Variants in MYO18B observed in about 807,000 individuals in gnomAD.
MYO18B encodes the protein unconventional myosin-XVIIIb.
MYO18B carries 204 observed loss-of-function variants against 273.0 expected under a neutral mutation model. That is an observed-to-expected ratio of 0.75 (90% confidence interval 0.67 to 0.84). The LOEUF (loss-of-function observed/expected upper bound fraction) is 0.84, where lower values mean the gene tolerates loss of function less well. MYO18B is among the 40% of genes least tolerant of loss of function. The pLI is 0.00. For missense variants in MYO18B, 3,212 were observed against 3,287.6 expected, an observed-to-expected ratio of 0.98 and a Z score of 0.56; for synonymous variants, 1,330 against 1,305.7, an observed-to-expected ratio of 1.02 and a Z score of -0.40.
At chr22:25,929,160 C>CA (rs4049336) in intron 34 of MYO18B, among the ~76,000 whole-genome samples, 43,551 of 122,068 alleles carry the variant, frequency 0.36, 9,184 homozygotes, top group South Asian at 0.47. Context: ...GAAACTGTCT[C>CA]AAAAAAAAAA....
chr22:25,894,942 C>T, intron 27 of MYO18B: 1 of 536,104 alleles, frequency 1.9e-6, no homozygotes, highest in Non-Finnish European at 3.3e-6. Context: ...GAACTTTAGA[C>T]AGTTGGAGGT....
At chr22:25,838,148 T>TAC (rs79287954) in intron 17 of MYO18B, among the ~76,000 whole-genome samples, 1 of 150,478 alleles carries the variant, frequency 6.6e-6, no homozygotes, top group African/African-American at 2.4e-5. Context: ...TATTAAATTA[T>TAC]ACACACACAC....
At chr22:25,954,438 T>TA (rs59409717) in intron 38 of MYO18B, among the ~76,000 whole-genome samples, 6,604 of 143,396 alleles carry the variant, frequency 0.046, 399 homozygotes, top group African/African-American at 0.14. Context: ...TAGGAGCTGC[T>TA]AAAAAAAAAA....
chr22:25,911,844 T>C (rs995154466), intron 33 of MYO18B, among the ~76,000 whole-genome samples: 2 of 152,142 alleles, frequency 1.3e-5, no homozygotes, highest in Non-Finnish European at 2.9e-5. Flanking sequence ...GATTTCAGAG[T>C]TGCAAGGAAT....
At chr22:25,829,202 G>T (rs1040364952) in intron 15 of MYO18B, among the ~76,000 whole-genome samples, 4 of 152,168 alleles carry the variant, frequency 2.6e-5, no homozygotes, top group African/African-American at 9.7e-5. Context: ...CAAGGAACTC[G>T]GGCTTCCCCA....
At chr22:26,034,693 T>G (rs1936744778), downstream of MYO18B, among the ~76,000 whole-genome samples, 1 of 152,242 alleles carries the variant, frequency 6.6e-6, no homozygotes, top group African/African-American at 2.4e-5. Context: ...AAATGTTTCC[T>G]CTTGCTTTTA....
chr22:26,031,374 A>G (rs1220789219), downstream of MYO18B, among the ~76,000 whole-genome samples: 2 of 152,262 alleles, frequency 1.3e-5, no homozygotes, highest in South Asian at 2.1e-4. Context: ...TCCAGATTCA[A>G]GGTCAGCTGG....
Position 26,020,400 on chromosome 22 carries a change from C to T in MYO18B, c.6471-6045C>T, listed in dbSNP as rs2146985347. ...CTAGCTCGTTCTGAGGCTGAACCAA[C>T]CACTTCAGTCTCCACTTCCCTTCTC... On this transcript the variant is annotated intron_variant, in intron 42 of 43. Transcript: ENST00000335473. Among the ~76,000 whole-genome samples, 2 of 152,224 alleles carry T rather than the reference C, an allele frequency of 1.3e-5. 1 individual carries two copies. The highest frequency in any genetic ancestry group is 4.1e-4 in the South Asian group (2 of 4,820).
At chr22:25,760,500 T>C (rs1057293640) in intron 1 of MYO18B, among the ~76,000 whole-genome samples, 16 of 151,604 alleles carry the variant, frequency 1.1e-4, no homozygotes, top group African/African-American at 3.9e-4. Context: ...TGAGGGAAGT[T>C]CTAGGTCTCT....
chr22:25,834,822 C>G (rs191013785), intron 16 of MYO18B, among the ~76,000 whole-genome samples: 27 of 152,238 alleles, frequency 1.8e-4, no homozygotes, highest in Admixed American at 1.6e-3. Flanking sequence ...TGCTTTTTTT[C>G]TCCTCCCCAA....
intron 39 of MYO18B, among the ~76,000 whole-genome samples, chr22:25,990,743 C>A (rs947272883): frequency 7.2e-6 from 1 of 138,334 alleles, no homozygotes; most frequent in African/African-American, 2.8e-5. Flanking sequence ...AAAAAAGACT[C>A]CAGGCTAAGA....
chr22:25,948,463 T>TTCC lies in MYO18B; in HGVS notation c.5748+636_5748+637insCCT, dbSNP rs1569225382. On this transcript the variant is annotated intron_variant, in intron 36 of 43. Transcript: ENST00000335473. ...CCTTCCTTCCTTCCTTCCTTCCTTC[T>TTCC]TTCTTTCTTTCTTTCTTTCTTTCTC... Among the ~76,000 whole-genome samples the TTCC allele has an allele frequency of 6.7e-4, 80 of 118,520 alleles. No individual in the cohort carries two copies. In the East Asian group the frequency reaches 0.012, roughly 17 times the overall value. The allele number at this position is 118,520 out of a possible 152,430, so 77.8% of individuals were successfully genotyped here.
At chr22:25,940,896 A>C (rs550675368) in intron 34 of MYO18B, among the ~76,000 whole-genome samples, 1 of 152,350 alleles carries the variant, frequency 6.6e-6, no homozygotes, top group East Asian at 1.9e-4. Context: ...TAGTAGAAGA[A>C]GGGTCCTATC....
chr22:25,999,623 C>T (rs1226488881), intron 40 of MYO18B, among the ~76,000 whole-genome samples: 1 of 139,306 alleles, frequency 7.2e-6, no homozygotes, highest in African/African-American at 2.7e-5. Context: ...TTCTCTTCCT[C>T]CTCCTCCTCC....
downstream of MYO18B, among the ~76,000 whole-genome samples, chr22:26,032,789 C>CTGG (rs1007270258): frequency 1.3e-5 from 2 of 152,094 alleles, no homozygotes; most frequent in Admixed American, 1.3e-4. Context: ...TCCCAAAGTG[C>CTGG]TGGGATTTTA....
chr22:25,826,096 G>A (rs1012154537), intron 13 of MYO18B, among the ~76,000 whole-genome samples: 4 of 152,176 alleles, frequency 2.6e-5, no homozygotes, highest in South Asian at 2.1e-4. Context: ...ACACAGAGCT[G>A]GGAATTGGCC....
intron 12 of MYO18B, among the ~76,000 whole-genome samples, chr22:25,802,264 A>T (rs907649009): frequency 3.3e-5 from 5 of 152,150 alleles, no homozygotes; most frequent in Admixed American, 2.0e-4. Flanking sequence ...AGGGCAAGGG[A>T]TGGGGAGAGG....
Position 25,781,846 on chromosome 22 carries a change from G to T in MYO18B, c.2312+12G>T. 6.5e-7 allele frequency: 1 copy of T among 1,528,292 alleles called. No homozygotes were observed. The highest frequency in any genetic ancestry group is 2.4e-5 in the East Asian group (1 of 41,908). 94.7% of individuals were successfully genotyped at this position (1,528,292 alleles called of 1,614,324 possible). A position where few individuals can be genotyped will look rare whatever the true frequency, so the allele number is the denominator to read the frequency against. Reference sequence around the variant, plus strand: ...GACTTGGATCTCAGGTGAGCACTTGGGGCAGGAAGAGACAGCTGAGGGCAG... The same window carrying T: ...GACTTGGATCTCAGGTGAGCACTTGTGGCAGGAAGAGACAGCTGAGGGCAG... On this transcript the variant is annotated intron_variant, in intron 10 of 43. Transcript: ENST00000335473.
intron 25 of MYO18B, among the ~76,000 whole-genome samples, chr22:25,881,589 G>A (rs1463658498): frequency 1.3e-5 from 2 of 152,142 alleles, no homozygotes; most frequent in Non-Finnish European, 2.9e-5. Context: ...CTGTCAGGTT[G>A]GATTTGCCAT....
Sources: allele counts gnomAD v4.1 joint callset (sites outside exome capture counted in the v4.1 genomes callset), GRCh38; gene constraint gnomAD v4.1.1; transcripts MANE v1.5; gene names NCBI Gene and HGNC (gene_info 2026-07-23, HGNC 2026-07-21).